Variants in SIK3 observed in about 807,000 individuals in gnomAD.
The protein encoded by SIK3 is SIK family kinase 3.
SIK3 carries 28 observed loss-of-function variants against 144.2 expected under a neutral mutation model. The observed-to-expected ratio is 0.19, with a 90% CI of 0.14 to 0.27. The LOEUF is 0.27. SIK3 is among the 10% of genes least tolerant of loss of function. The pLI is 1.00. For missense variants in SIK3, 1,319 were observed against 1,776.0 expected, an observed-to-expected ratio of 0.74 and a Z score of 4.62; for synonymous variants, 686 against 676.3, an observed-to-expected ratio of 1.01 and a Z score of -0.22.
intron 1 of SIK3, among the ~76,000 whole-genome samples, chr11:116,977,845 T>C (rs1950003032): frequency 6.6e-6 from 1 of 152,144 alleles, no homozygotes; most frequent in African/African-American, 2.4e-5. Flanking sequence ...AAGGTTGACA[T>C]AAAGAAATTC....
intron 20 of SIK3, 104 bp downstream of exon 20, chr11:116,859,161 A>G: frequency 9.6e-7 from 1 of 1,044,814 alleles, no homozygotes; most frequent in Non-Finnish European, 1.4e-6. Flanking sequence ...AGCACAGCCT[A>G]GTCAGACCCA....
At chr11:116,850,798 C>G (rs998394355) in intron 21 of SIK3, among the ~76,000 whole-genome samples, 2 of 152,150 alleles carry the variant, frequency 1.3e-5, no homozygotes, top group Admixed American at 1.3e-4. Flanking sequence ...CACCTGAGGT[C>G]AGGAGTTTGA....
At chr11:117,092,562 T>C (rs1202653874) in intron 1 of SIK3, among the ~76,000 whole-genome samples, 2 of 152,204 alleles carry the variant, frequency 1.3e-5, no homozygotes, top group East Asian at 1.9e-4. Flanking sequence ...CTCCTTCTAC[T>C]AGAAAGCTCC....
intron 15 of SIK3, among the ~76,000 whole-genome samples, chr11:116,866,178 T>A (rs566352859): frequency 6.4e-4 from 98 of 152,192 alleles, no homozygotes; most frequent in African/African-American, 2.2e-3. Flanking sequence ...AATGTGACGA[T>A]CTTCATGTTC....
At chr11:116,944,642 T>C (rs949387505) in intron 3 of SIK3, among the ~76,000 whole-genome samples, 3 of 152,238 alleles carry the variant, frequency 2.0e-5, no homozygotes, top group African/African-American at 7.2e-5. Flanking sequence ...TTCGTACTTC[T>C]CCTGGACTCT....
At chr11:117,013,353 A>G (rs1367511335) in intron 1 of SIK3, among the ~76,000 whole-genome samples, 1 of 152,054 alleles carries the variant, frequency 6.6e-6, no homozygotes. Flanking sequence ...TCACCAGGGC[A>G]TGGTGCCACA....
Position 116,919,421 on chromosome 11 carries a change from C to T in SIK3, c.616+7798G>A, listed in dbSNP as rs560585631. Among the ~76,000 whole-genome samples, 3 of 152,236 alleles carry T rather than the reference C, an allele frequency of 2.0e-5. No homozygotes were observed. In the South Asian group the frequency reaches 6.2e-4, roughly 32 times the overall value. On this transcript the variant is annotated intron_variant, in intron 4 of 24. Transcript: ENST00000445177. ...GCCTTTCTATAGTTGCATTTCTGAT[C>T]TTTGCTGTCTACTGATTGCCAACTA...
At chr11:116,914,445 G>A (rs1171492137) in intron 4 of SIK3, among the ~76,000 whole-genome samples, 1 of 152,042 alleles carries the variant, frequency 6.6e-6, no homozygotes, top group African/African-American at 2.4e-5. Context: ...CTGACCTCAG[G>A]TAATCCGCCC....
At chr11:117,013,836 A>G in intron 1 of SIK3, among the ~76,000 whole-genome samples, 1 of 134,074 alleles carries the variant, frequency 7.5e-6, no homozygotes, top group Non-Finnish European at 1.6e-5. Flanking sequence ...GATTTCTAAA[A>G]TCACAAAGGT....
intron 4 of SIK3, among the ~76,000 whole-genome samples, chr11:116,917,733 AAGAG>A (rs146697165): frequency 0.074 from 10,909 of 147,604 alleles, 482 homozygotes; most frequent in Middle Eastern, 0.12. Flanking sequence ...GAGGAAGGGA[AAGAG>A]AGAGAGAGAG....
At chr11:116,965,284 A>G (rs1949487448) in intron 1 of SIK3, among the ~76,000 whole-genome samples, 1 of 152,180 alleles carries the variant, frequency 6.6e-6, no homozygotes, top group African/African-American at 2.4e-5. Context: ...GCATACTGAC[A>G]TGATTGTTAT....
At position 116,844,649 on chromosome 11, in the gene SIK3, A is replaced by G. The variant is rs1941805475; in HGVS notation, c.*994T>C. 1.9e-5 allele frequency: 2 copies of G among 104,738 alleles called. No individual in the cohort carries two copies. The highest frequency in any genetic ancestry group is 9.2e-5 in the African/African-American group (2 of 21,702). The allele number at this position is 104,738 out of a possible 1,614,324, so 6.5% of individuals were successfully genotyped here. ...TATATAATATATTATATTATATATT[A>G]TATATATAATATATATATACACATA... On this transcript the variant is annotated 3_prime_UTR_variant, in exon 25 of 25. Transcript: ENST00000445177.
intron 1 of SIK3, among the ~76,000 whole-genome samples, chr11:117,020,264 C>CATATAT (rs1951718995): frequency 1.0e-5 from 1 of 96,560 alleles, no homozygotes; most frequent in Non-Finnish European, 2.0e-5. Flanking sequence ...CATATATCTC[C>CATATAT]ATGGTTCCTG....
At chr11:116,848,474 C>T (rs1283462527) in intron 22 of SIK3, among the ~76,000 whole-genome samples, 3 of 152,194 alleles carry the variant, frequency 2.0e-5, no homozygotes, top group Non-Finnish European at 2.9e-5. Context: ...ACTAGCACCA[C>T]CCTAGGAAAA....
intron 1 of SIK3, among the ~76,000 whole-genome samples, chr11:116,959,831 C>G (rs991058651): frequency 3.9e-5 from 6 of 152,138 alleles, no homozygotes; most frequent in Non-Finnish European, 8.8e-5. Flanking sequence ...CGTAACCCAT[C>G]ATAAGTCAAG....
rs978531524 is a variant in SIK3 at position 117,098,263 on chromosome 11, T to A, written c.153A>T (p.Pro51=). 5 of 1,403,176 alleles carry A rather than the reference T, an allele frequency of 3.6e-6. No homozygotes were observed. Among genetic ancestry groups the A allele is most frequent in the South Asian group, 1.4e-5 (1 of 72,440 alleles). The allele number at this position is 1,403,176 out of a possible 1,614,324, so 86.9% of individuals were successfully genotyped here. Residue 51 remains proline, a synonymous_variant, in exon 1 of 25, where the codon CCA becomes CCT. Coordinates refer to ENST00000445177, the MANE Select transcript of SIK3 (RefSeq NM_001366686.3). ...VSPAAGQPRP[P]APASRGPMPA... ...GCATGGGTCCGCGGGAGGCCGGGGC[T>A]GGGGGACGCGGCTGGCCGGCCGCAG...
intron 1 of SIK3, among the ~76,000 whole-genome samples, chr11:117,007,736 A>C (rs2135659646): frequency 6.6e-6 from 1 of 152,332 alleles, no homozygotes; most frequent in East Asian, 1.9e-4. Context: ...GAACTGTAAG[A>C]GTTCAGAATA....
At chr11:117,067,487 C>T (rs764725071) in intron 1 of SIK3, among the ~76,000 whole-genome samples, 2 of 152,052 alleles carry the variant, frequency 1.3e-5, no homozygotes, top group Non-Finnish European at 2.9e-5. Context: ...CCTATGGTGA[C>T]AGCAAATCAG....
intron 1 of SIK3, among the ~76,000 whole-genome samples, chr11:117,016,240 C>T (rs755887380): frequency 3.4e-5 from 5 of 147,066 alleles, no homozygotes; most frequent in Non-Finnish European, 6.0e-5. Flanking sequence ...GCAGGAGAAT[C>T]GCTCGAACCC....
Sources: gnomAD v4.1 joint callset for allele counts (sites outside exome capture counted in the v4.1 genomes callset) on GRCh38, gnomAD v4.1.1 for gene constraint, MANE v1.5 for transcripts, NCBI Gene and HGNC (gene_info 2026-07-23, HGNC 2026-07-21) for gene names.